The following SPOCK3 variants were observed in gnomAD, a reference collection of about 807,000 sequenced individuals.
The protein encoded by SPOCK3 is SPARC (osteonectin), cwcv and kazal like domains proteoglycan 3, also known as testican-3.
A neutral mutation model predicts 56.6 loss-of-function variants in SPOCK3; 30 were observed. The observed-to-expected ratio is 0.53, with a 90% confidence interval of 0.40 to 0.72. The LOEUF (loss-of-function observed/expected upper bound fraction) is 0.72, where lower values mean the gene tolerates loss of function less well. SPOCK3 is among the 30% of genes least tolerant of loss of function. The probability of loss-of-function intolerance (pLI) is 0.00; values close to 1 mark genes in which losing one functional copy is unlikely to be tolerated. For missense variants in SPOCK3, 527 were observed against 530.0 expected, an observed-to-expected ratio of 0.99 and a Z score of 0.06; for synonymous variants, 196 against 183.3, an observed-to-expected ratio of 1.07 and a Z score of -0.56.
intron 6 of SPOCK3, among the ~76,000 whole-genome samples, chr4:166,871,826 A>C (rs894508799): frequency 6.6e-6 from 1 of 150,810 alleles, no homozygotes; most frequent in Non-Finnish European, 1.5e-5. Context: ...TATATATAAA[A>C]CAATATAAAA....
chr4:166,827,390 C>T (rs1023375932), intron 6 of SPOCK3, among the ~76,000 whole-genome samples: 3 of 152,088 alleles, frequency 2.0e-5, no homozygotes, highest in African/African-American at 7.2e-5. Flanking sequence ...GCTGGGAACA[C>T]TGCCTGGCAT....
At chr4:166,983,352 C>T (rs1375490075) in intron 4 of SPOCK3, among the ~76,000 whole-genome samples, 1 of 152,006 alleles carries the variant, frequency 6.6e-6, no homozygotes, top group Non-Finnish European at 1.5e-5. Context: ...TCTTTTCAGA[C>T]TTTAATAGTC....
At chr4:167,222,717 ATT>A (rs1225636537) in intron 2 of SPOCK3, among the ~76,000 whole-genome samples, 1 of 132,828 alleles carries the variant, frequency 7.5e-6, no homozygotes, top group Non-Finnish European at 1.5e-5. Flanking sequence ...ATAGATATAT[ATT>A]GATATATGAA....
At chr4:166,794,608 T>C (rs994644768) in intron 6 of SPOCK3, among the ~76,000 whole-genome samples, 1 of 151,760 alleles carries the variant, frequency 6.6e-6, no homozygotes, top group Non-Finnish European at 1.5e-5. Context: ...GACCCAGCAA[T>C]TGTTTCTTTT....
chr4:167,037,829 T>C (rs1381648057), intron 3 of SPOCK3, among the ~76,000 whole-genome samples: 1 of 152,274 alleles, frequency 6.6e-6, no homozygotes, highest in Non-Finnish European at 1.5e-5. Context: ...AGTATTTTCC[T>C]GAACTTGTCT....
At chr4:167,172,229 C>T (rs544832181) in intron 2 of SPOCK3, among the ~76,000 whole-genome samples, 43 of 152,086 alleles carry the variant, frequency 2.8e-4, no homozygotes, top group Non-Finnish European at 6.0e-4. Context: ...ATTGCTGATG[C>T]CAAATCAGAA....
chr4:166,880,486 C>T (rs1733572794), intron 6 of SPOCK3, among the ~76,000 whole-genome samples: 1 of 152,148 alleles, frequency 6.6e-6, no homozygotes, highest in African/African-American at 2.4e-5. Context: ...CCTGTAAATT[C>T]TCCAGCGTTT....
chr4:166,765,754 T>C (rs1433262539), intron 7 of SPOCK3, among the ~76,000 whole-genome samples: 2 of 152,256 alleles, frequency 1.3e-5, no homozygotes, highest in Admixed American at 6.5e-5. Flanking sequence ...GGGGATGGTA[T>C]TGAATCTATA....
At chr4:167,004,316 T>G (rs1043849618) in intron 3 of SPOCK3, among the ~76,000 whole-genome samples, 2 of 152,064 alleles carry the variant, frequency 1.3e-5, no homozygotes, top group Non-Finnish European at 2.9e-5. Flanking sequence ...AGCTCCAGTA[T>G]AAGTAGATGG....
intron 3 of SPOCK3, among the ~76,000 whole-genome samples, chr4:167,056,139 G>A (rs1428970546): frequency 6.6e-5 from 10 of 152,230 alleles, no homozygotes; most frequent in East Asian, 1.9e-4. Flanking sequence ...CAGCATTCGC[G>A]GTTCACAAAA....
chr4:167,205,238 C>T (rs71620426), intron 2 of SPOCK3, among the ~76,000 whole-genome samples: 2,980 of 67,046 alleles, frequency 0.044, 85 homozygotes, highest in African/African-American at 0.068. Context: ...ATCTATAATA[C>T]ATATTATATA....
At chr4:167,058,756 C>G (rs28761218) in intron 3 of SPOCK3, among the ~76,000 whole-genome samples, 2,403 of 152,254 alleles carry the variant, frequency 0.016, 65 homozygotes, top group African/African-American at 0.055. Flanking sequence ...AACTATACTA[C>G]AAGGCTACAG....
intron 4 of SPOCK3, among the ~76,000 whole-genome samples, chr4:166,952,036 C>G (rs1393992759): frequency 6.6e-6 from 1 of 152,148 alleles, no homozygotes; most frequent in Non-Finnish European, 1.5e-5. Flanking sequence ...ACAGGGATGC[C>G]TTCTCTCACC....
At chr4:167,143,637 C>G (rs1580422522) in intron 2 of SPOCK3, among the ~76,000 whole-genome samples, 1 of 151,724 alleles carries the variant, frequency 6.6e-6, no homozygotes, top group African/African-American at 2.4e-5. Flanking sequence ...CATTTTTTAT[C>G]CCTGAAATTG....
At chr4:167,067,210 T>C (rs113455480) in intron 2 of SPOCK3, among the ~76,000 whole-genome samples, 2,415 of 151,786 alleles carry the variant, frequency 0.016, 69 homozygotes, top group African/African-American at 0.055. Flanking sequence ...CTATGAAGAG[T>C]GGTTTCGGCA....
At chr4:166,827,610 G>T (rs939874779) in intron 6 of SPOCK3, among the ~76,000 whole-genome samples, 3 of 152,006 alleles carry the variant, frequency 2.0e-5, no homozygotes, top group African/African-American at 7.2e-5. Flanking sequence ...TCAGAGAAAA[G>T]TACAGCAAAA....
At chr4:166,969,161 A>C in intron 4 of SPOCK3, among the ~76,000 whole-genome samples, 1 of 152,122 alleles carries the variant, frequency 6.6e-6, no homozygotes, top group East Asian at 1.9e-4. Flanking sequence ...TATGTTTTTA[A>C]ATTTTTAAGT....
intron 3 of SPOCK3, among the ~76,000 whole-genome samples, chr4:167,020,608 G>A (rs913611237): frequency 1.3e-5 from 2 of 151,940 alleles, no homozygotes; most frequent in African/African-American, 2.4e-5. Flanking sequence ...CTGCCATATG[G>A]GGGCAGAGCA....
chr4:167,096,385 A>G (rs1163655651), intron 2 of SPOCK3, among the ~76,000 whole-genome samples: 1 of 151,922 alleles, frequency 6.6e-6, no homozygotes, highest in African/African-American at 2.4e-5. Context: ...TGACATAGAT[A>G]TTCAGCATGA....
Sources: gnomAD v4.1 joint callset for allele counts (sites outside exome capture counted in the v4.1 genomes callset) on GRCh38, gnomAD v4.1.1 for gene constraint, MANE v1.5 for transcripts, NCBI Gene and HGNC (gene_info 2026-07-23, HGNC 2026-07-21) for gene names.